Variants in EPHB1 observed in about 807,000 individuals in gnomAD.
The protein encoded by EPHB1 is ephrin type-B receptor 1.
A neutral mutation model predicts 94.4 loss-of-function variants in EPHB1; 30 were observed. That is an observed-to-expected ratio of 0.32 (90% CI 0.24 to 0.43). EPHB1 has a LOEUF of 0.43. Ranked by LOEUF, EPHB1 falls within the 20% of genes least tolerant of loss-of-function variation. The pLI is 1.00. For missense variants in EPHB1, 1,055 were observed against 1,308.3 expected, an observed-to-expected ratio of 0.81 and a Z score of 2.99; for synonymous variants, 522 against 489.1, an observed-to-expected ratio of 1.07 and a Z score of -0.89.
At chr3:134,797,488 G>A (rs1030481779) in intron 1 of EPHB1, among the ~76,000 whole-genome samples, 2 of 152,230 alleles carry the variant, frequency 1.3e-5, no homozygotes, top group African/African-American at 2.4e-5. Context: ...GCCCCCAGAG[G>A]TTCAGTGGCC....
At chr3:135,075,233 G>A (rs1472386064) in intron 3 of EPHB1, among the ~76,000 whole-genome samples, 1 of 152,104 alleles carries the variant, frequency 6.6e-6, no homozygotes, top group Non-Finnish European at 1.5e-5. Flanking sequence ...GCTTTCTGGA[G>A]GCTGAAACAA....
At chr3:135,146,610 C>T (rs935335713) in intron 5 of EPHB1, among the ~76,000 whole-genome samples, 23 of 152,212 alleles carry the variant, frequency 1.5e-4, no homozygotes, top group Non-Finnish European at 1.3e-4. Context: ...TCAAAATGTT[C>T]AAGGGAAACC....
chr3:135,043,694 C>A (rs1013087646), intron 3 of EPHB1, among the ~76,000 whole-genome samples: 1 of 152,236 alleles, frequency 6.6e-6, no homozygotes, highest in Non-Finnish European at 1.5e-5. Context: ...CTGATACAGA[C>A]GTTCCTAAGA....
At chr3:134,917,567 C>T (rs1262884730) in intron 1 of EPHB1, among the ~76,000 whole-genome samples, 1 of 152,204 alleles carries the variant, frequency 6.6e-6, no homozygotes, top group Non-Finnish European at 1.5e-5. Context: ...TTAATTGCAC[C>T]TTGGAACACA....
intron 3 of EPHB1, among the ~76,000 whole-genome samples, chr3:134,968,689 C>G (rs567785944): frequency 1.3e-5 from 2 of 152,082 alleles, no homozygotes; most frequent in South Asian, 4.2e-4. Context: ...ATTGGGGTAC[C>G]AAGAGCTCCT....
chr3:135,039,660 C>T (rs1023682507), intron 3 of EPHB1, among the ~76,000 whole-genome samples: 133 of 152,352 alleles, frequency 8.7e-4, no homozygotes, highest in African/African-American at 3.0e-3. Flanking sequence ...CCCTCCGCAG[C>T]CACTGGCCCG....
chr3:134,986,711 AACACACAC>A (rs60628273), intron 3 of EPHB1, among the ~76,000 whole-genome samples: 14 of 145,724 alleles, frequency 9.6e-5, no homozygotes, highest in African/African-American at 2.5e-4. Context: ...TAAAGATATT[AACACACAC>A]ACACACACAC....
intron 3 of EPHB1, among the ~76,000 whole-genome samples, chr3:135,038,978 A>G (rs1207894630): frequency 4.6e-5 from 7 of 152,108 alleles, no homozygotes; most frequent in Non-Finnish European, 7.4e-5. Flanking sequence ...ACAATCCCTG[A>G]GCTAGATACA....
intron 5 of EPHB1, among the ~76,000 whole-genome samples, chr3:135,134,781 G>A (rs1940556353): frequency 6.6e-6 from 1 of 152,194 alleles, no homozygotes; most frequent in South Asian, 2.1e-4. Context: ...CCAGCTTTTG[G>A]GAATGACAAT....
chr3:135,113,663 C>G (rs983442252), intron 4 of EPHB1, among the ~76,000 whole-genome samples: 6 of 152,218 alleles, frequency 3.9e-5, no homozygotes, highest in Non-Finnish European at 8.8e-5. Flanking sequence ...TCAGATTAGG[C>G]ACTCCTTCCT....
At chr3:134,996,471 G>A (rs925505965) in intron 3 of EPHB1, among the ~76,000 whole-genome samples, 3 of 152,142 alleles carry the variant, frequency 2.0e-5, no homozygotes, top group East Asian at 1.9e-4. Flanking sequence ...ACAGCCATGC[G>A]CCACCATGCT....
chr3:135,067,913 T>C (rs1937603822), intron 3 of EPHB1: 1 of 152,214 alleles, frequency 6.6e-6, no homozygotes, highest in African/African-American at 2.4e-5. Context: ...TTGACTCAGC[T>C]CCAGGTAAGG....
At chr3:134,798,921 A>G (rs1275045771) in intron 1 of EPHB1, among the ~76,000 whole-genome samples, 1 of 152,224 alleles carries the variant, frequency 6.6e-6, no homozygotes, top group Admixed American at 6.5e-5. Context: ...GCACCTGCAG[A>G]AGGCCTCAGA....
intron 3 of EPHB1, among the ~76,000 whole-genome samples, chr3:135,007,235 C>T (rs1483500211): frequency 1.1e-4 from 17 of 152,198 alleles, no homozygotes; most frequent in Admixed American, 1.0e-3. Context: ...ATTCTCTAGA[C>T]ACTCCCTTAC....
At chr3:135,203,535 A>G (rs146373022) in intron 12 of EPHB1, among the ~76,000 whole-genome samples, 33 of 152,358 alleles carry the variant, frequency 2.2e-4, no homozygotes, top group African/African-American at 7.9e-4. Flanking sequence ...AATGAAAGAT[A>G]CCATGTAGAT....
chr3:134,948,509 G>C (rs2039258632), intron 2 of EPHB1, among the ~76,000 whole-genome samples: 5 of 152,012 alleles, frequency 3.3e-5, no homozygotes, highest in Admixed American at 3.3e-4. Context: ...AAACACATTT[G>C]ATAGAACAAA....
chr3:135,015,509 T>C (rs1043914930), intron 3 of EPHB1, among the ~76,000 whole-genome samples: 5 of 152,186 alleles, frequency 3.3e-5, no homozygotes, highest in Non-Finnish European at 4.4e-5. Flanking sequence ...CCCAAAGTGC[T>C]GGGATTATAG....
In EPHB1 at chr3:135,138,988, A is replaced by G. The variant is rs1940719299; in HGVS notation, c.1297+5939A>G. 2.6e-5 allele frequency among the ~76,000 whole-genome samples: 4 copies of G among 152,376 alleles called. No individual in the cohort carries two copies. In the South Asian group the frequency reaches 8.3e-4, roughly 32 times the overall value. On this transcript the variant is annotated intron_variant, in intron 5 of 15. Coordinates refer to ENST00000398015, the MANE Select transcript of EPHB1 (RefSeq NM_004441.5). ...TGGCTTCTATCCTTGGCAACCTCGC[A>G]GTCCTCCACCAGATGGTGAGCTATG...
intron 11 of EPHB1, among the ~76,000 whole-genome samples, chr3:135,194,801 G>T (rs1248736331): frequency 6.6e-6 from 1 of 152,164 alleles, no homozygotes; most frequent in Non-Finnish European, 1.5e-5. Context: ...AGGGTATGGG[G>T]TTATGCTTTG....
Sources: gnomAD v4.1 joint callset for allele counts (sites outside exome capture counted in the v4.1 genomes callset) on GRCh38, gnomAD v4.1.1 for gene constraint, MANE v1.5 for transcripts, NCBI Gene and HGNC (gene_info 2026-07-23, HGNC 2026-07-21) for gene names.